MAP3K13: variants seen among roughly 807,000 people sequenced by gnomAD.
The protein encoded by MAP3K13 is mitogen-activated protein kinase kinase kinase 13.
In MAP3K13, 52 loss-of-function variants were observed where a neutral mutation model predicts 104.0. The observed-to-expected ratio is 0.50, with a 90% CI of 0.40 to 0.63. The LOEUF (loss-of-function observed/expected upper bound fraction) is 0.63. Ranked by LOEUF, MAP3K13 falls within the 20% of genes least tolerant of loss-of-function variation. The pLI is 0.00. For synonymous variants in MAP3K13, 394 were observed against 442.2 expected (o/e 0.89, Z 1.37); for missense variants, 914 against 1,218.5 (o/e 0.75, Z 3.72).
intron 2 of MAP3K13, among the ~76,000 whole-genome samples, chr3:185,309,397 C>T (rs1292068968): frequency 6.6e-6 from 1 of 151,756 alleles, no homozygotes; most frequent in African/African-American, 2.4e-5. Flanking sequence ...GTAGTCCCAG[C>T]TACTCCAGAG....
At position 185,428,524 on chromosome 3, in the gene MAP3K13, C is replaced by T. The variant is rs554058464; in HGVS notation, c.-58C>T. 211 of 1,516,174 alleles carry T rather than the reference C, an allele frequency of 1.4e-4. No homozygotes were observed. The highest frequency in any genetic ancestry group is 1.3e-4 in the Non-Finnish European group (148 of 1,134,750). 93.9% of individuals were successfully genotyped at this position (1,516,174 alleles called of 1,614,324 possible). A position where few individuals can be genotyped will look rare whatever the true frequency, so the allele number is the denominator to read the frequency against. ...TTTGGAGCCCTCTCTTAAGTCAGAA[C>T]TCTGTCCCAAAAATCTTCTGAGTGT... On this transcript the variant is annotated 5_prime_UTR_variant, in exon 2 of 14. Transcript: ENST00000265026.
intron 2 of MAP3K13, among the ~76,000 whole-genome samples, chr3:185,329,723 C>T (rs1283003392): frequency 6.6e-6 from 1 of 152,158 alleles, no homozygotes; most frequent in Non-Finnish European, 1.5e-5. Context: ...CACATTGTTA[C>T]ACAAACATAT....
intron 2 of MAP3K13, among the ~76,000 whole-genome samples, chr3:185,351,521 C>A (rs1195323782): frequency 6.6e-6 from 1 of 152,072 alleles, no homozygotes; most frequent in Non-Finnish European, 1.5e-5. Flanking sequence ...CAAAGAAGAT[C>A]CCAGGAGACT....
rs1209507201 is a variant in MAP3K13, at chr3:185,485,546, T to A, written c.*3090T>A. Reference sequence around the variant, plus strand: ...CTCCCTCTGTCCAGCATATTCATGCTGCTCATCCATTAGTCACTTAGTAGC... The same window carrying A: ...CTCCCTCTGTCCAGCATATTCATGCAGCTCATCCATTAGTCACTTAGTAGC... On this transcript the variant is annotated 3_prime_UTR_variant, in exon 14 of 14. Coordinates refer to ENST00000265026, the MANE Select transcript of MAP3K13 (RefSeq NM_004721.5). The A allele has an allele frequency of 2.0e-5, 3 of 152,098 alleles. No individual in the cohort carries two copies. Among genetic ancestry groups the A allele is most frequent in the African/African-American group, 7.2e-5 (3 of 41,410 alleles). 9.4% of individuals were successfully genotyped at this position (152,098 alleles called of 1,614,324 possible).
At chr3:185,353,423 AT>A (rs751620061) in intron 2 of MAP3K13, among the ~76,000 whole-genome samples, 6 of 152,218 alleles carry the variant, frequency 3.9e-5, no homozygotes, top group Admixed American at 3.3e-4. Context: ...TTATTTGAAC[AT>A]GGTTCGAACA....
intron 1 of MAP3K13, among the ~76,000 whole-genome samples, chr3:185,420,280 G>A (rs1431383866): frequency 2.0e-5 from 3 of 152,218 alleles, no homozygotes; most frequent in African/African-American, 7.2e-5. Context: ...AGGCACGATT[G>A]TAGGCCATTC....
chr3:185,455,715 A>ATATATATAT (rs1199394871), intron 7 of MAP3K13, among the ~76,000 whole-genome samples: 1 of 12,786 alleles, frequency 7.8e-5, no homozygotes, highest in African/African-American at 1.5e-4. Flanking sequence ...GATATATATG[A>ATATATATAT]GATATATATG....
At chr3:185,404,849 T>C (rs1713023810) in intron 1 of MAP3K13, among the ~76,000 whole-genome samples, 1 of 152,186 alleles carries the variant, frequency 6.6e-6, no homozygotes, top group African/African-American at 2.4e-5. Context: ...CCCAAAGTGT[T>C]GGGATTACAG....
At chr3:185,288,392 A>C (rs1169730276) in intron 2 of MAP3K13, among the ~76,000 whole-genome samples, 1 of 151,230 alleles carries the variant, frequency 6.6e-6, no homozygotes, top group Non-Finnish European at 1.5e-5. Flanking sequence ...TATATGTTCC[A>C]GAAATATATA....
chr3:185,292,905 CT>C, intron 2 of MAP3K13: 1 of 984,180 alleles, frequency 1.0e-6, no homozygotes, highest in Non-Finnish European at 1.2e-6. Flanking sequence ...ATTTGTGAAA[CT>C]TTTTTACTAA....
chr3:185,417,503 C>T, intron 1 of MAP3K13: 1 of 1,594,468 alleles, frequency 6.3e-7, no homozygotes, highest in Non-Finnish European at 8.5e-7. Flanking sequence ...GTTTATGCAG[C>T]AGGCTTCTTT....
chr3:185,309,951 A>G (rs1287949730), intron 2 of MAP3K13, among the ~76,000 whole-genome samples: 1 of 152,208 alleles, frequency 6.6e-6, no homozygotes, highest in Non-Finnish European at 1.5e-5. Flanking sequence ...TAACACTGAG[A>G]TATCAGGAGA....
intron 1 of MAP3K13, among the ~76,000 whole-genome samples, chr3:185,397,708 A>G (rs1165518820): frequency 6.6e-6 from 1 of 151,904 alleles, no homozygotes; most frequent in Non-Finnish European, 1.5e-5. Flanking sequence ...AGAAGTAATC[A>G]GTCTGACCCT....
chr3:185,443,153 A>G (rs1715416570), intron 3 of MAP3K13, among the ~76,000 whole-genome samples: 1 of 152,140 alleles, frequency 6.6e-6, no homozygotes, highest in Non-Finnish European at 1.5e-5. Flanking sequence ...CAAACTTCAG[A>G]AAAGTGTGCT....
At chr3:185,425,998 A>G (rs1714390164) in intron 1 of MAP3K13, among the ~76,000 whole-genome samples, 1 of 152,226 alleles carries the variant, frequency 6.6e-6, no homozygotes, top group Non-Finnish European at 1.5e-5. Context: ...AACACACTGC[A>G]TACCATGTAA....
chr3:185,393,462 CT>C (rs147162736), intron 1 of MAP3K13, among the ~76,000 whole-genome samples: 37 of 145,026 alleles, frequency 2.6e-4, no homozygotes, highest in South Asian at 2.2e-4. Flanking sequence ...TTGTAAGTAT[CT>C]TTTTTTTTTT....
upstream of MAP3K13, chr3:185,362,951 ACACACG>A (rs771916915): frequency 0.11 from 9,194 of 82,414 alleles, 819 homozygotes; most frequent in East Asian, 0.27. Context: ...ACACACACAC[ACACACG>A]CACACACACA....
At chr3:185,301,118 TA>T (rs1332340719) in intron 2 of MAP3K13, among the ~76,000 whole-genome samples, 28 of 150,276 alleles carry the variant, frequency 1.9e-4, no homozygotes, top group South Asian at 4.2e-4. Flanking sequence ...TTATTATTTT[TA>T]TTTATTTATT....
chr3:185,417,888 C>A, intron 1 of MAP3K13: 1 of 1,604,442 alleles, frequency 6.2e-7, no homozygotes, highest in Non-Finnish European at 8.5e-7. Flanking sequence ...CTCTTTGGAT[C>A]TCTGGGCTTT....
Sources: gnomAD v4.1 joint callset for allele counts (sites outside exome capture counted in the v4.1 genomes callset) on GRCh38, gnomAD v4.1.1 for gene constraint, MANE v1.5 for transcripts, NCBI Gene and HGNC (gene_info 2026-07-23, HGNC 2026-07-21) for gene names.